CDH7: variants seen among roughly 807,000 people sequenced by gnomAD.
CDH7 encodes cadherin-7.
CDH7 carries 25 observed loss-of-function variants against 71.8 expected under a neutral mutation model. The observed-to-expected ratio is 0.35, with a 90% confidence interval of 0.25 to 0.49. The LOEUF (loss-of-function observed/expected upper bound fraction) is 0.49, where lower values mean the gene tolerates loss of function less well. Among genes scored for constraint, CDH7 ranks in the 20% least tolerant of loss-of-function variants. CDH7 has a pLI of 0.99. For missense variants in CDH7, 862 were observed against 974.6 expected (o/e 0.88, Z 1.54); for synonymous variants, 381 against 363.8 (o/e 1.05, Z -0.54).
chr18:65,800,674 T>TTCTA (rs1911089717), intron 2 of CDH7, among the ~76,000 whole-genome samples: 1 of 152,190 alleles, frequency 6.6e-6, no homozygotes, highest in African/African-American at 2.4e-5. Flanking sequence ...GAATAAACTA[T>TTCTA]TCTATACTCT....
Position 65,779,965 on chromosome 18 carries a change from G to A in CDH7, c.210+16913G>A, listed in dbSNP as rs1289299413. Among the ~76,000 whole-genome samples, 3 of 101,174 alleles carry A rather than the reference G, an allele frequency of 3.0e-5. 1 individual carries two copies. The highest frequency in any genetic ancestry group is 7.4e-4 in the South Asian group (2 of 2,702). 66.4% of individuals were successfully genotyped at this position (101,174 alleles called of 152,430 possible). ...TTTCTCCACATCCTCTCCAGCACCT[G>A]TTGTTTCCTGACTTTTTAATGATTG... On this transcript the variant is annotated intron_variant, in intron 2 of 11. Transcript: ENST00000397968.
chr18:65,838,310 A>T (rs1912606916), intron 6 of CDH7, among the ~76,000 whole-genome samples: 1 of 152,216 alleles, frequency 6.6e-6, no homozygotes, highest in Non-Finnish European at 1.5e-5. Flanking sequence ...TTAGGAAAAA[A>T]GATTTACATT....
intron 2 of CDH7, among the ~76,000 whole-genome samples, chr18:65,793,499 CAG>C (rs1159820489): frequency 1.3e-5 from 2 of 151,160 alleles, no homozygotes; most frequent in Non-Finnish European, 2.9e-5. Context: ...TATTACAAAA[CAG>C]AAATATTTCT....
chr18:65,878,395 A>G (rs908200416), intron 11 of CDH7, among the ~76,000 whole-genome samples: 5 of 152,154 alleles, frequency 3.3e-5, no homozygotes, highest in African/African-American at 1.2e-4. Context: ...TTAGTTTGAA[A>G]GTTACTTGTT....
rs72944078 is a variant in CDH7 at position 65,859,408 on chromosome 18, G to A, written c.1495-300G>A. Among the ~76,000 whole-genome samples, 6,612 of 152,266 alleles carry A rather than the reference G, an allele frequency of 0.043. 224 individuals carry two copies. Among genetic ancestry groups the A allele is most frequent in the Non-Finnish European group, 0.063 (4,305 of 68,010 alleles). ...AAGAATTAAGTGCAGTTCAATCTCA[G>A]TTTGGTTTGTTCATCTATTGTTCAG... On this transcript the variant is annotated intron_variant, in intron 9 of 11. Transcript: ENST00000397968.
intron 7 of CDH7, among the ~76,000 whole-genome samples, chr18:65,844,932 A>C (rs535657150): frequency 1.6e-4 from 24 of 152,172 alleles, no homozygotes; most frequent in Admixed American, 7.2e-4. Flanking sequence ...AACAACAATG[A>C]TTGTTTTATC....
chr18:65,756,710 C>T (rs1299922864), intron 1 of CDH7, among the ~76,000 whole-genome samples: 1 of 152,202 alleles, frequency 6.6e-6, no homozygotes, highest in African/African-American at 2.4e-5. Context: ...TTATATTGGA[C>T]TGCAACAAAC....
chr18:65,762,433 G>C (rs554097940), intron 1 of CDH7, among the ~76,000 whole-genome samples: 14 of 152,100 alleles, frequency 9.2e-5, no homozygotes, highest in African/African-American at 3.1e-4. Context: ...AGATAGTTCT[G>C]CATCAGCTGT....
At position 65,880,931 on chromosome 18, in the gene CDH7, G is replaced by T; in HGVS notation, c.*37G>T. ...TAATTCGAAATGTACTGAAGAAAAAGTAACAGCAAAAAATAAAATAAAATG... is the reference window on the plus strand; with the variant it reads ...TAATTCGAAATGTACTGAAGAAAAATTAACAGCAAAAAATAAAATAAAATG... On this transcript the variant is annotated 3_prime_UTR_variant, in exon 12 of 12. Transcript: ENST00000397968. 6.6e-7 allele frequency: 1 copy of T among 1,524,910 alleles called. No individual in the cohort carries two copies. Among genetic ancestry groups the T allele is most frequent in the Non-Finnish European group, 8.8e-7 (1 of 1,137,856 alleles). The allele number at this position is 1,524,910 out of a possible 1,614,324, so 94.5% of individuals were successfully genotyped here.
chr18:65,873,905 T>C (rs1913997763), intron 11 of CDH7, among the ~76,000 whole-genome samples: 2 of 152,218 alleles, frequency 1.3e-5, no homozygotes, highest in Non-Finnish European at 2.9e-5. Context: ...TAATTCATTC[T>C]ATAATATTTA....
chr18:65,825,275 C>G (rs151290982), intron 6 of CDH7, among the ~76,000 whole-genome samples: 1 of 151,678 alleles, frequency 6.6e-6, no homozygotes, highest in Non-Finnish European at 1.5e-5. Context: ...GCTACATTAC[C>G]AATTATTGCC....
chr18:65,829,775 AGTGTGTGT>A (rs3061822), intron 6 of CDH7, among the ~76,000 whole-genome samples: 3,490 of 138,174 alleles, frequency 0.025, 44 homozygotes, highest in Non-Finnish European at 0.033. Context: ...CAAGGAAGGG[AGTGTGTGT>A]GTGTGTGTGT....
chr18:65,798,386 C>G (rs553025571), intron 2 of CDH7, among the ~76,000 whole-genome samples: 3 of 152,336 alleles, frequency 2.0e-5, no homozygotes, highest in South Asian at 2.1e-4. Context: ...AAATGTTCCC[C>G]TCTGTCACCT....
At chr18:65,806,071 A>G (rs1911308169) in intron 2 of CDH7, among the ~76,000 whole-genome samples, 1 of 152,204 alleles carries the variant, frequency 6.6e-6, no homozygotes, top group African/African-American at 2.4e-5. Context: ...TTAATAGATT[A>G]TTCAGAAATA....
At chr18:65,800,765 A>G (rs1338271039) in intron 2 of CDH7, among the ~76,000 whole-genome samples, 1 of 152,206 alleles carries the variant, frequency 6.6e-6, no homozygotes, top group African/African-American at 2.4e-5. Context: ...CTCTTTTTAT[A>G]GATCTCATGC....
chr18:65,776,401 C>CAGAG (rs1555681615), intron 2 of CDH7, among the ~76,000 whole-genome samples: 1,307 of 124,694 alleles, frequency 0.01, 26 homozygotes, highest in African/African-American at 0.042. Context: ...CACACACACA[C>CAGAG]AGAGAGAGAG....
chr18:65,855,361 A>AC (rs1913316539), intron 7 of CDH7, among the ~76,000 whole-genome samples: 1 of 151,734 alleles, frequency 6.6e-6, no homozygotes. Context: ...GGAAAAAAAA[A>AC]AGCAGAAAAA....
At chr18:65,774,290 T>C (rs540177509) in intron 2 of CDH7, among the ~76,000 whole-genome samples, 90 of 152,116 alleles carry the variant, frequency 5.9e-4, no homozygotes, top group African/African-American at 2.0e-3. Flanking sequence ...AAATAACTAG[T>C]GAATACCTTG....
intron 2 of CDH7, among the ~76,000 whole-genome samples, chr18:65,772,282 G>T (rs908368676): frequency 3.3e-5 from 5 of 152,110 alleles, no homozygotes; most frequent in Non-Finnish European, 7.4e-5. Context: ...GAGAAGAAAA[G>T]ATTACACATT....
Sources: gnomAD v4.1 joint callset for allele counts (sites outside exome capture counted in the v4.1 genomes callset) on GRCh38, gnomAD v4.1.1 for gene constraint, MANE v1.5 for transcripts, NCBI Gene and HGNC (gene_info 2026-07-23, HGNC 2026-07-21) for gene names.